Variants in B3GALT5 observed in about 807,000 individuals in gnomAD.
B3GALT5 encodes the protein UDP-Gal:betaGlcNAc beta 1,3-galactosyltransferase, polypeptide 5.
For synonymous variants in B3GALT5, 156 were observed against 158.6 expected, an observed-to-expected ratio of 0.98 and a Z score of 0.12; for missense variants, 328 against 396.6, an observed-to-expected ratio of 0.83 and a Z score of 1.47.
rs955054478 is a variant in B3GALT5 at position 39,663,751 on chromosome 21, A to T, written c.*2259A>T. The T allele has an allele frequency of 1.3e-5, 2 of 152,266 alleles. No homozygotes were observed. The highest frequency in any genetic ancestry group is 4.8e-5 in the African/African-American group (2 of 41,464). 9.4% of individuals were successfully genotyped at this position (152,266 alleles called of 1,614,324 possible). Reference sequence around the variant, plus strand: ...TTTATGTGGGATGCAAACGAGGCTCAGAGAGACGTAACAACTTGCCCAGGA... The same window carrying T: ...TTTATGTGGGATGCAAACGAGGCTCTGAGAGACGTAACAACTTGCCCAGGA... On this transcript the variant is annotated 3_prime_UTR_variant, in exon 4 of 4. Coordinates refer to ENST00000684187, the MANE Select transcript of B3GALT5 (RefSeq NM_001356336.2).
At chr21:39,654,757 C>T (rs974106422) in intron 2 of B3GALT5, among the ~76,000 whole-genome samples, 1 of 152,130 alleles carries the variant, frequency 6.6e-6, no homozygotes, top group Non-Finnish European at 1.5e-5. Context: ...CACATTGAGG[C>T]GAGAACCTCC....
At chr21:39,632,415 G>C (rs370659516) in intron 1 of B3GALT5, among the ~76,000 whole-genome samples, 1 of 152,200 alleles carries the variant, frequency 6.6e-6, no homozygotes, top group East Asian at 1.9e-4. Flanking sequence ...GATGGATGAA[G>C]TGGTGCGAGT....
intron 2 of B3GALT5, among the ~76,000 whole-genome samples, chr21:39,656,975 G>A (rs1296405518): frequency 6.6e-6 from 1 of 152,220 alleles, no homozygotes; most frequent in African/African-American, 2.4e-5. Flanking sequence ...GCCAGAAGGG[G>A]GGCAGTGACC....
Position 39,660,610 on chromosome 21 carries a change from G to A in B3GALT5, c.51G>A (p.Gly17=). 2.8e-6 allele frequency: 4 copies of A among 1,448,958 alleles called. No individual in the cohort carries two copies. Among genetic ancestry groups the A allele is most frequent in the Non-Finnish European group, 3.6e-6 (4 of 1,098,710 alleles). The allele number at this position is 1,448,958 out of a possible 1,614,324, so 89.8% of individuals were successfully genotyped here. Residue 17 remains glycine (G), a synonymous_variant, in exon 4 of 4, where the codon GGG becomes GGA. Transcript: ENST00000684187. ...TGTATATTTGCCTTCTGGTTCTGGGGGCTCTTTGTTTGTATTTTAGCATGT... is the reference window on the plus strand; with the variant it reads ...TGTATATTTGCCTTCTGGTTCTGGGAGCTCTTTGTTTGTATTTTAGCATGT... ...RLMYICLLVL[G]ALCLYFSMYS...
intron 1 of B3GALT5, among the ~76,000 whole-genome samples, chr21:39,624,241 A>T (rs1414484079): frequency 6.6e-6 from 1 of 152,128 alleles, no homozygotes. Flanking sequence ...TAAAACATAC[A>T]TGTAAAATTC....
intron 2 of B3GALT5, among the ~76,000 whole-genome samples, chr21:39,648,238 G>T (rs752577427): frequency 2.0e-5 from 3 of 152,150 alleles, no homozygotes; most frequent in Non-Finnish European, 2.9e-5. Context: ...AAAGAATTGG[G>T]TTATAAAAAT....
chr21:39,617,773 C>T (rs1242643319), intron 1 of B3GALT5, among the ~76,000 whole-genome samples: 1 of 152,070 alleles, frequency 6.6e-6, no homozygotes, highest in East Asian at 1.9e-4. Context: ...CATCAGCTAT[C>T]GTTAGTGTTA....
intron 1 of B3GALT5, among the ~76,000 whole-genome samples, chr21:39,637,315 G>A (rs562071430): frequency 1.3e-5 from 2 of 152,184 alleles, no homozygotes; most frequent in Admixed American, 6.5e-5. Flanking sequence ...GCATTACAGG[G>A]AATCCTAAAG....
Position 39,659,733 on chromosome 21 carries a change from TC to T in B3GALT5, c.-160-19del. On this transcript the variant is annotated intron_variant, in intron 2 of 3. Coordinates refer to ENST00000684187, the MANE Select transcript of B3GALT5 (RefSeq NM_001356336.2). Reference sequence around the variant, plus strand: ...AAGGCACGAGTGATTTGAATGACACTCTTTTTTTTTTTTTCCTAGTGATTCC... The same window carrying T: ...AAGGCACGAGTGATTTGAATGACACTTTTTTTTTTTTTTCCTAGTGATTCC... 1.0e-6 allele frequency: 1 copy of T among 976,800 alleles called. No individual in the cohort carries two copies. Among genetic ancestry groups the T allele is most frequent in the Non-Finnish European group, 1.2e-6 (1 of 822,678 alleles). The allele number at this position is 976,800 out of a possible 1,614,324, so 60.5% of individuals were successfully genotyped here. A position where few individuals can be genotyped will look rare whatever the true frequency, so the allele number is the denominator to read the frequency against.
In B3GALT5 at chr21:39,667,017, C is replaced by T. The variant is rs2079584138; in HGVS notation, c.*5525C>T. The T allele has an allele frequency of 6.6e-6, 1 of 152,154 alleles. No homozygotes were observed. The highest frequency in any genetic ancestry group is 1.5e-5 in the Non-Finnish European group (1 of 68,052). The allele number at this position is 152,154 out of a possible 1,614,324, so 9.4% of individuals were successfully genotyped here. On this transcript the variant is annotated 3_prime_UTR_variant, in exon 4 of 4. Transcript: ENST00000684187. ...AAATCTGATTAGGAAACTCAGAGGC[C>T]CAGGGAAGCCAGTGACTTGCCCTCT...
At chr21:39,653,764 C>G (rs964856275) in intron 2 of B3GALT5, among the ~76,000 whole-genome samples, 1 of 152,230 alleles carries the variant, frequency 6.6e-6, no homozygotes, top group African/African-American at 2.4e-5. Context: ...GGGTCTAGAT[C>G]TCAGCCCTGG....
At position 39,662,645 on chromosome 21, in the gene B3GALT5, T is replaced by A. The variant is rs1242232212; in HGVS notation, c.*1153T>A. ...GAACTTTGTGGTTTGCTGTTTAGCC[T>A]TCAGTTTGCTCCGCTGCCTCCTACC... On this transcript the variant is annotated 3_prime_UTR_variant, in exon 4 of 4. Transcript: ENST00000684187. 1 of 167,552 alleles carries A rather than the reference T, an allele frequency of 6.0e-6. No homozygotes were observed. Among genetic ancestry groups the A allele is most frequent in the South Asian group, 2.1e-4 (1 of 4,824 alleles). 10.4% of individuals were successfully genotyped at this position (167,552 alleles called of 1,614,324 possible). A position where few individuals can be genotyped will look rare whatever the true frequency, so the allele number is the denominator to read the frequency against.
chr21:39,659,080 A>G (rs2079481653), intron 2 of B3GALT5, among the ~76,000 whole-genome samples: 1 of 152,110 alleles, frequency 6.6e-6, no homozygotes, highest in Non-Finnish European at 1.5e-5. Flanking sequence ...ATCTCTACAA[A>G]AAATACAAAG....
intron 2 of B3GALT5, 80 bp from the exon 3 acceptor site, chr21:39,659,673 G>T: frequency 1.2e-6 from 1 of 837,016 alleles, no homozygotes; most frequent in Non-Finnish European, 1.4e-6. Context: ...GGAAGGTGAC[G>T]CTACAGACAC....
At position 39,663,608 on chromosome 21, in the gene B3GALT5, G is replaced by A. The variant is rs561351591; in HGVS notation, c.*2116G>A. 1 of 152,140 alleles carries A rather than the reference G, an allele frequency of 6.6e-6. No individual in the cohort carries two copies. Among genetic ancestry groups the A allele is most frequent in the East Asian group, 1.9e-4 (1 of 5,180 alleles). The allele number at this position is 152,140 out of a possible 1,614,324, so 9.4% of individuals were successfully genotyped here. A position where few individuals can be genotyped will look rare whatever the true frequency, so the allele number is the denominator to read the frequency against. On this transcript the variant is annotated 3_prime_UTR_variant, in exon 4 of 4. Transcript: ENST00000684187. ...TCCTGCCTCAGCCAGTGGGTAGTTG[G>A]GATTACAGGTGTGTATTTCTTTATA...
intron 1 of B3GALT5, among the ~76,000 whole-genome samples, chr21:39,643,649 G>C (rs951101242): frequency 6.6e-6 from 1 of 152,186 alleles, no homozygotes; most frequent in Admixed American, 6.5e-5. Context: ...TGCTCTGTCA[G>C]CATCTTCCTT....
intron 1 of B3GALT5, among the ~76,000 whole-genome samples, chr21:39,642,896 A>G (rs2079302054): frequency 6.6e-6 from 1 of 150,946 alleles, no homozygotes; most frequent in Non-Finnish European, 1.5e-5. Flanking sequence ...AAAAAAGAAA[A>G]GAAAAGAAAG....
intron 1 of B3GALT5, among the ~76,000 whole-genome samples, chr21:39,629,183 T>A (rs909569458): frequency 8.5e-5 from 13 of 152,056 alleles, no homozygotes; most frequent in Non-Finnish European, 4.4e-5. Context: ...CCCGGCTAAT[T>A]TCCATATTTT....
intron 1 of B3GALT5, among the ~76,000 whole-genome samples, chr21:39,621,485 T>TG (rs1569206088): frequency 6.6e-6 from 1 of 152,100 alleles, no homozygotes; most frequent in African/African-American, 2.4e-5. Context: ...GTTTTTTTTT[T>TG]TTGTTGTTCC....
Sources: allele counts gnomAD v4.1 joint callset (sites outside exome capture counted in the v4.1 genomes callset), GRCh38; gene constraint gnomAD v4.1.1; transcripts MANE v1.5; gene names NCBI Gene and HGNC (gene_info 2026-07-23, HGNC 2026-07-21).